ARHGAP24: variants seen among roughly 807,000 people sequenced by gnomAD.
ARHGAP24 encodes rho GTPase-activating protein 24.
Under a neutral mutation model 76.4 loss-of-function variants are expected in ARHGAP24, and 50 were observed. That is an observed-to-expected ratio of 0.65 (90% confidence interval 0.52 to 0.83). ARHGAP24 has a LOEUF of 0.83. ARHGAP24 is among the 40% of genes least tolerant of loss of function. The pLI is 0.00. For synonymous variants in ARHGAP24, 345 were observed against 323.3 expected (o/e 1.07, Z -0.72); for missense variants, 930 against 914.2 (o/e 1.02, Z -0.22).
intron 3 of ARHGAP24, among the ~76,000 whole-genome samples, chr4:85,818,152 T>C (rs895212972): frequency 6.6e-6 from 1 of 152,136 alleles, no homozygotes; most frequent in African/African-American, 2.4e-5. Context: ...CCAAGTAGAA[T>C]GAATGCAGAA....
chr4:85,871,195 A>G (rs1560685531), intron 3 of ARHGAP24, among the ~76,000 whole-genome samples: 1 of 152,162 alleles, frequency 6.6e-6, no homozygotes, highest in Non-Finnish European at 1.5e-5. Flanking sequence ...GGAGGGCTTT[A>G]GGTTTTGAAG....
chr4:85,881,834 CA>C (rs1424983131), intron 3 of ARHGAP24, among the ~76,000 whole-genome samples: 1 of 151,954 alleles, frequency 6.6e-6, no homozygotes, highest in Non-Finnish European at 1.5e-5. Flanking sequence ...GTGAAGAGAA[CA>C]GAAAATTAAT....
rs147631603 is a variant in ARHGAP24, at chr4:85,954,202, T to G, written c.599+11929T>G. Among the ~76,000 whole-genome samples the G allele has an allele frequency of 2.1e-4, 32 of 152,190 alleles. No individual in the cohort carries two copies. In the East Asian group the frequency reaches 6.0e-3, roughly 28 times the overall value. Reference sequence around the variant, plus strand: ...CTGCTGCAAATTAAAATACAGGAGGTAGTTAGTAGATAAAATGTTCATCCT... The same window carrying G: ...CTGCTGCAAATTAAAATACAGGAGGGAGTTAGTAGATAAAATGTTCATCCT... On this transcript the variant is annotated intron_variant, in intron 5 of 9. Coordinates refer to ENST00000395184, the MANE Select transcript of ARHGAP24 (RefSeq NM_001025616.3).
chr4:85,601,361 G>T (rs1270440519), intron 2 of ARHGAP24, among the ~76,000 whole-genome samples: 2 of 152,138 alleles, frequency 1.3e-5, no homozygotes, highest in Non-Finnish European at 2.9e-5. Flanking sequence ...GTTTAGTAGA[G>T]AACTATTTTC....
chr4:85,707,305 A>G (rs1167020142), intron 2 of ARHGAP24, among the ~76,000 whole-genome samples: 1 of 152,250 alleles, frequency 6.6e-6, no homozygotes, highest in East Asian at 1.9e-4. Flanking sequence ...TTGTGGGTAA[A>G]GAGAATGCTG....
intron 2 of ARHGAP24, among the ~76,000 whole-genome samples, chr4:85,627,379 A>G (rs908764271): frequency 1.3e-5 from 2 of 152,182 alleles, no homozygotes; most frequent in African/African-American, 4.8e-5. Flanking sequence ...CGGTGGCTGC[A>G]GAACATTGTA....
intron 2 of ARHGAP24, among the ~76,000 whole-genome samples, chr4:85,708,074 T>C (rs1724386909): frequency 6.6e-6 from 1 of 152,100 alleles, no homozygotes. Flanking sequence ...AAAGAAAATC[T>C]CCCTGCAAAA....
chr4:85,765,626 T>G (rs1367140705), intron 3 of ARHGAP24, among the ~76,000 whole-genome samples: 1 of 152,064 alleles, frequency 6.6e-6, no homozygotes, highest in African/African-American at 2.4e-5. Flanking sequence ...AGATAAAAAA[T>G]TACTACTTAC....
intron 1 of ARHGAP24, among the ~76,000 whole-genome samples, chr4:85,558,147 T>C (rs9999410): frequency 0.85 from 128,950 of 152,054 alleles, 56,198 homozygotes; most frequent in East Asian, 0.98. Flanking sequence ...TCACTGTTGC[T>C]AGGGAGCTCA....
chr4:85,569,464 C>A (rs766188290), intron 1 of ARHGAP24, among the ~76,000 whole-genome samples: 3 of 152,188 alleles, frequency 2.0e-5, no homozygotes, highest in Non-Finnish European at 4.4e-5. Context: ...CTTCTCTGTT[C>A]TTACTGGGGC....
intron 1 of ARHGAP24, among the ~76,000 whole-genome samples, chr4:85,533,780 C>A (rs1725361081): frequency 6.6e-6 from 1 of 151,922 alleles, no homozygotes; most frequent in African/African-American, 2.4e-5. Context: ...TTGTAATTAT[C>A]AAATTTGTAT....
chr4:85,479,039 C>T (rs943518186), intron 1 of ARHGAP24, among the ~76,000 whole-genome samples: 1 of 152,194 alleles, frequency 6.6e-6, no homozygotes, highest in Non-Finnish European at 1.5e-5. Context: ...GTTAATGTTT[C>T]CCCAATAAGT....
At chr4:85,766,626 A>G (rs1216833942) in intron 3 of ARHGAP24, among the ~76,000 whole-genome samples, 2 of 152,146 alleles carry the variant, frequency 1.3e-5, no homozygotes, top group Non-Finnish European at 2.9e-5. Context: ...GACTAAAGAC[A>G]GTGAACAACA....
intron 3 of ARHGAP24, among the ~76,000 whole-genome samples, chr4:85,822,675 C>T (rs1402502310): frequency 1.3e-5 from 2 of 152,088 alleles, no homozygotes; most frequent in Admixed American, 1.3e-4. Context: ...GTTAGTTCAC[C>T]ATTTCTTTTT....
chr4:85,764,938 A>G (rs187698875), intron 3 of ARHGAP24, among the ~76,000 whole-genome samples: 3 of 152,286 alleles, frequency 2.0e-5, no homozygotes, highest in East Asian at 3.9e-4. Flanking sequence ...CTTGAAAGGC[A>G]TATGTTATCA....
At chr4:85,855,752 TG>T (rs1731517122) in intron 3 of ARHGAP24, among the ~76,000 whole-genome samples, 1 of 138,430 alleles carries the variant, frequency 7.2e-6, no homozygotes, top group Non-Finnish European at 1.5e-5. Flanking sequence ...CACTCCAGCC[TG>T]GGCAATAAAA....
rs1741015961 is a variant in ARHGAP24, at chr4:86,001,498, A to G, written c.*776A>G. 2.5e-6 allele frequency: 1 copy of G among 398,492 alleles called. No homozygotes were observed. The highest frequency in any genetic ancestry group is 4.4e-6 in the Non-Finnish European group (1 of 226,016). 24.7% of individuals were successfully genotyped at this position (398,492 alleles called of 1,614,324 possible). A position where few individuals can be genotyped will look rare whatever the true frequency, so the allele number is the denominator to read the frequency against. On this transcript the variant is annotated 3_prime_UTR_variant, in exon 10 of 10. Coordinates refer to ENST00000395184, the MANE Select transcript of ARHGAP24 (RefSeq NM_001025616.3). ...TGCTCCTTAGAAAAGAAAAAATGGT[A>G]AAGAATGGCATTTAACGATTCAGGC...
rs1005460202 is a variant in ARHGAP24, at chr4:85,875,755, A to G, written c.269-47893A>G. 2.8e-5 allele frequency among the ~76,000 whole-genome samples: 4 copies of G among 145,176 alleles called. No homozygotes were observed. The Admixed American group carries it at 2.9e-4, about 11-fold the overall frequency. ...ATATATATTTTTGGTTGTGGGGGAG[A>G]ACAGAATACAGAATATCGCTCTGTT... On this transcript the variant is annotated intron_variant, in intron 3 of 9. Transcript: ENST00000395184.
chr4:85,688,180 A>G (rs1183114443), intron 2 of ARHGAP24, among the ~76,000 whole-genome samples: 1 of 152,020 alleles, frequency 6.6e-6, no homozygotes, highest in Non-Finnish European at 1.5e-5. Context: ...AGTAATTTAC[A>G]TTTGCACCAA....
Sources: allele counts gnomAD v4.1 joint callset (sites outside exome capture counted in the v4.1 genomes callset), GRCh38; gene constraint gnomAD v4.1.1; transcripts MANE v1.5; gene names NCBI Gene and HGNC (gene_info 2026-07-23, HGNC 2026-07-21).